The following SEPTIN9 variants were observed in gnomAD, a reference collection of about 807,000 sequenced individuals.
SEPTIN9 encodes the protein septin-9.
A neutral mutation model predicts 56.6 loss-of-function variants in SEPTIN9; 13 were observed. The observed-to-expected ratio is 0.23, with a 90% CI of 0.15 to 0.37. The LOEUF (loss-of-function observed/expected upper bound fraction) is 0.37, where lower values mean the gene tolerates loss of function less well. SEPTIN9 is among the 10% of genes least tolerant of loss of function. SEPTIN9 has a pLI of 1.00. For missense variants in SEPTIN9, 650 were observed against 823.1 expected (o/e 0.79, Z 2.57); for synonymous variants, 332 against 334.1 (o/e 0.99, Z 0.07).
chr17:77,325,591 T>A (rs1179568545), intron 2 of SEPTIN9, among the ~76,000 whole-genome samples: 1 of 152,170 alleles, frequency 6.6e-6, no homozygotes, highest in Non-Finnish European at 1.5e-5. Context: ...CCTGCGGACA[T>A]GCCCCTTGTT....
At chr17:77,366,362 G>A (rs969347313) in intron 2 of SEPTIN9, among the ~76,000 whole-genome samples, 1 of 152,198 alleles carries the variant, frequency 6.6e-6, no homozygotes, top group African/African-American at 2.4e-5. Context: ...TAGGAGGAAC[G>A]CTCTGGTCAT....
chr17:77,408,946 G>C (rs768564585), intron 3 of SEPTIN9, among the ~76,000 whole-genome samples: 2 of 152,152 alleles, frequency 1.3e-5, no homozygotes, highest in Non-Finnish European at 2.9e-5. Context: ...TAAGCGTCGA[G>C]GGACTCACTG....
chr17:77,457,371 T>C (rs1470425543), intron 3 of SEPTIN9, among the ~76,000 whole-genome samples: 1 of 152,062 alleles, frequency 6.6e-6, no homozygotes, highest in African/African-American at 2.4e-5. Flanking sequence ...TTGCTCCATC[T>C]CCCCAAGTCT....
chr17:77,407,282 CAAA>C lies in SEPTIN9; in HGVS notation c.721+4603_721+4605del, dbSNP rs58585658. On this transcript the variant is annotated intron_variant, in intron 3 of 11. Coordinates refer to ENST00000427177, the MANE Select transcript of SEPTIN9 (RefSeq NM_001113491.2). ...TAGGAGACAGAGTGAGACCCTGTCT[CAAA>C]AAAAAAAAAAAAAAAAAAAAAAATC... 2.9e-4 allele frequency among the ~76,000 whole-genome samples: 13 copies of C among 44,598 alleles called. No homozygotes were observed. In the South Asian group the frequency reaches 3.4e-3, roughly 12 times the overall value. 29.3% of individuals were successfully genotyped at this position (44,598 alleles called of 152,430 possible).
intron 2 of SEPTIN9, among the ~76,000 whole-genome samples, chr17:77,384,015 C>T (rs1196610042): frequency 6.6e-6 from 1 of 152,234 alleles, no homozygotes; most frequent in Non-Finnish European, 1.5e-5. Context: ...GGCAGGGTGC[C>T]AGGCCCTAGT....
At chr17:77,461,728 TAA>T (rs2038486316) in intron 3 of SEPTIN9, among the ~76,000 whole-genome samples, 1 of 152,242 alleles carries the variant, frequency 6.6e-6, no homozygotes, top group Admixed American at 6.5e-5. Flanking sequence ...TGTGTTTAGA[TAA>T]AGAGATTTAT....
chr17:77,345,404 G>A (rs1014104411), intron 2 of SEPTIN9, among the ~76,000 whole-genome samples: 8 of 152,200 alleles, frequency 5.3e-5, no homozygotes, highest in African/African-American at 9.7e-5. Flanking sequence ...AACTCGGAGC[G>A]TCCTCCACAC....
chr17:77,402,231 A>G lies in SEPTIN9; in HGVS notation c.249A>G (p.Gln83=), dbSNP rs1181120712. 6.2e-7 allele frequency: 1 copy of G among 1,613,168 alleles called. No individual in the cohort carries two copies. The highest frequency in any genetic ancestry group is 8.5e-7 in the Non-Finnish European group (1 of 1,179,784). Residue 83 remains glutamine, a synonymous_variant, in exon 3 of 12, where the codon CAA becomes CAG. Coordinates refer to ENST00000427177, the MANE Select transcript of SEPTIN9 (RefSeq NM_001113491.2). The surrounding 1 kb of genome is among the most constrained non-coding windows in gnomAD (Gnocchi z 6.6). The stretch of plus-strand genomic sequence containing the variant: ...CCCGCCATGTGGACTCCCTAAGCCA[A>G]CGCTCCCCCAAGGCGTCCCTGCGGA... ...PSARHVDSLS[Q]RSPKASLRRV...
Position 77,476,122 on chromosome 17 carries a change from G to A in SEPTIN9, c.722-6022G>A, listed in dbSNP as rs1276572346. Among the ~76,000 whole-genome samples, 1 of 152,158 alleles carries A rather than the reference G, an allele frequency of 6.6e-6. No homozygotes were observed. Among genetic ancestry groups the A allele is most frequent in the African/African-American group, 2.4e-5 (1 of 41,428 alleles). ...CTGCATTTGGCCAGCAAGGCTGATG[G>A]GACTTGTGTGGACATTTCTGGGACG... On this transcript the variant is annotated intron_variant, in intron 3 of 11. Coordinates refer to ENST00000427177, the MANE Select transcript of SEPTIN9 (RefSeq NM_001113491.2). The surrounding 1 kb of genome is among the most constrained non-coding windows in gnomAD (Gnocchi z 6.0).
chr17:77,495,494 T>G (rs2143450985), intron 10 of SEPTIN9, among the ~76,000 whole-genome samples: 1 of 152,278 alleles, frequency 6.6e-6, no homozygotes, highest in East Asian at 1.9e-4. Flanking sequence ...AATAGAAATG[T>G]GGGGTGTAAT....
At chr17:77,447,619 C>A (rs1393367824) in intron 3 of SEPTIN9, among the ~76,000 whole-genome samples, 1 of 152,220 alleles carries the variant, frequency 6.6e-6, no homozygotes, top group African/African-American at 2.4e-5. Flanking sequence ...CTAAAACATT[C>A]ATTTCTTTTT....
At chr17:77,484,626 T>TGGG (rs2039618462) in intron 4 of SEPTIN9, among the ~76,000 whole-genome samples, 2 of 145,426 alleles carry the variant, frequency 1.4e-5, no homozygotes, top group African/African-American at 5.3e-5. Flanking sequence ...GTGATGGGGA[T>TGGG]GATGATGGTG....
At position 77,330,942 on chromosome 17, in the gene SEPTIN9, C is replaced by T. The variant is rs60116484; in HGVS notation, c.76+23745C>T. 1.9e-3 allele frequency among the ~76,000 whole-genome samples: 286 copies of T among 152,340 alleles called. No homozygotes were observed. The highest frequency in any genetic ancestry group is 6.2e-3 in the African/African-American group (258 of 41,578). The stretch of plus-strand genomic sequence containing the variant: ...ACAGCTTGTCCCTCCAGCTGGGAAT[C>T]GGAGCTCACCTGGAGTCCCAGGCAG... On this transcript the variant is annotated intron_variant, in intron 2 of 11. Coordinates refer to ENST00000427177, the MANE Select transcript of SEPTIN9 (RefSeq NM_001113491.2). This position sits in a 1 kb window ranked among gnomAD's most constrained non-coding sequence, Gnocchi z 4.4.
intron 2 of SEPTIN9, chr17:77,322,780 T>A (rs1274895620): frequency 1.3e-5 from 2 of 152,376 alleles, no homozygotes; most frequent in Non-Finnish European, 2.9e-5. Flanking sequence ...GGGCTCTTCT[T>A]CTCTGCAGGG....
At position 77,377,481 on chromosome 17, in the gene SEPTIN9, A is replaced by G. The variant is rs80097365; in HGVS notation, c.77-24578A>G. 4.0e-3 allele frequency among the ~76,000 whole-genome samples: 616 copies of G among 152,128 alleles called. 4 individuals carry two copies. Among genetic ancestry groups the G allele is most frequent in the Middle Eastern group, 6.8e-3 (2 of 294 alleles). On this transcript the variant is annotated intron_variant, in intron 2 of 11. Transcript: ENST00000427177. ...TAACCAGATTTGCACACCGAGAAAG[A>G]ATCCAAAAGTCCTTGATGTTTGTTG...
rs560853410 is a variant in SEPTIN9 at position 77,317,512 on chromosome 17, G to T, written c.76+10315G>T. Among the ~76,000 whole-genome samples the T allele has an allele frequency of 3.9e-5, 6 of 152,172 alleles. No homozygotes were observed. Among genetic ancestry groups the T allele is most frequent in the African/African-American group, 9.7e-5 (4 of 41,440 alleles). On this transcript the variant is annotated intron_variant, in intron 2 of 11. Transcript: ENST00000427177. This position sits in a 1 kb window ranked among gnomAD's most constrained non-coding sequence, Gnocchi z 4.2. The stretch of plus-strand genomic sequence containing the variant: ...GGCACATGTGAGGGATCTAGGTTGC[G>T]TGCTTCTTATGAGAATCTGATGCCT...
intron 2 of SEPTIN9, among the ~76,000 whole-genome samples, chr17:77,334,965 C>T (rs910697834): frequency 2.0e-5 from 3 of 152,070 alleles, no homozygotes; most frequent in Admixed American, 6.6e-5. Flanking sequence ...AGTATATGTA[C>T]GTATATACAT....
At chr17:77,344,969 CAAAAAAAAAAAAAAA>C (rs35165946) in intron 2 of SEPTIN9, among the ~76,000 whole-genome samples, 8 of 67,956 alleles carry the variant, frequency 1.2e-4, no homozygotes, top group East Asian at 4.0e-4. Flanking sequence ...AAGACTGCCT[CAAAAAAAAAAAAAAA>C]AAAAAAAAAA....
intron 2 of SEPTIN9, among the ~76,000 whole-genome samples, chr17:77,398,783 G>A (rs1167176773): frequency 6.6e-6 from 1 of 152,310 alleles, no homozygotes; most frequent in African/African-American, 2.4e-5. Flanking sequence ...TTTGAGCAGC[G>A]CCGTCCTGAT....
Sources: gnomAD v4.1 joint callset for allele counts (sites outside exome capture counted in the v4.1 genomes callset) on GRCh38, gnomAD v4.1.1 for gene constraint, Gnocchi (gnomAD v3.1) non-coding constraint, MANE v1.5 for transcripts, NCBI Gene and HGNC (gene_info 2026-07-23, HGNC 2026-07-21) for gene names.